The following GRM8 variants were observed in gnomAD, a reference collection of about 807,000 sequenced individuals.
GRM8 encodes glutamate metabotropic receptor 8.
GRM8 carries 47 observed loss-of-function variants against 87.2 expected under a neutral mutation model. The ratio of observed to expected loss-of-function variants is 0.54; its 90% CI spans 0.43 to 0.69. GRM8 has a LOEUF of 0.69. Ranked by LOEUF, GRM8 falls within the 30% of genes least tolerant of loss-of-function variation. The probability of loss-of-function intolerance (pLI) is 0.00; values close to 1 mark genes in which losing one functional copy is unlikely to be tolerated. For missense variants in GRM8, 1,019 were observed against 1,139.2 expected (o/e 0.89, Z 1.52); for synonymous variants, 396 against 404.5 (o/e 0.98, Z 0.25).
chr7:127,107,983 G>C (rs943253182), intron 2 of GRM8, among the ~76,000 whole-genome samples: 2 of 152,306 alleles, frequency 1.3e-5, no homozygotes, highest in South Asian at 4.1e-4. Context: ...TGCATTGGCC[G>C]TAACAGAGAG....
intron 2 of GRM8, among the ~76,000 whole-genome samples, chr7:127,163,256 C>T (rs1793230672): frequency 6.6e-6 from 1 of 152,168 alleles, no homozygotes; most frequent in African/African-American, 2.4e-5. Context: ...GCCATAACAG[C>T]CTGCCCTTCT....
At chr7:126,726,908 T>A (rs1450232535) in intron 7 of GRM8, among the ~76,000 whole-genome samples, 1 of 152,072 alleles carries the variant, frequency 6.6e-6, no homozygotes. Context: ...AATGTGTTAT[T>A]ATTTATAAAA....
intron 3 of GRM8, among the ~76,000 whole-genome samples, chr7:127,014,042 T>A (rs561496546): frequency 6.6e-6 from 1 of 152,180 alleles, no homozygotes; most frequent in East Asian, 1.9e-4. Context: ...ACAGCAGAAA[T>A]GTAAAGGATC....
At chr7:126,475,426 G>T (rs919903007) in intron 9 of GRM8, among the ~76,000 whole-genome samples, 6 of 151,978 alleles carry the variant, frequency 3.9e-5, no homozygotes, top group Non-Finnish European at 7.4e-5. Context: ...GAAGATCTGT[G>T]TACTGACAAC....
At chr7:126,816,757 T>C (rs1793823226) in intron 6 of GRM8, among the ~76,000 whole-genome samples, 1 of 151,648 alleles carries the variant, frequency 6.6e-6, no homozygotes, top group Non-Finnish European at 1.5e-5. Flanking sequence ...TGTGTGTGTG[T>C]GTGTGTGTGT....
chr7:126,514,191 T>C (rs1480597833), intron 9 of GRM8, among the ~76,000 whole-genome samples: 1 of 152,130 alleles, frequency 6.6e-6, no homozygotes, highest in African/African-American at 2.4e-5. Flanking sequence ...ATGCTGGAGT[T>C]GTGGTCCATC....
At position 126,751,657 on chromosome 7, in the gene GRM8, A is replaced by T. The variant is rs151197921; in HGVS notation, c.1357+18208T>A. On this transcript the variant is annotated intron_variant, in intron 7 of 10. Transcript: ENST00000339582. ...GCAAAGGAAGGCACCATTGCACTTTATTACTAGCTATGACTTTGGCCTGAA... is the reference window on the plus strand; with the variant it reads ...GCAAAGGAAGGCACCATTGCACTTTTTTACTAGCTATGACTTTGGCCTGAA... Among the ~76,000 whole-genome samples, 456 of 152,306 alleles carry T rather than the reference A, an allele frequency of 3.0e-3. 5 individuals are homozygous for T. Among genetic ancestry groups the T allele is most frequent in the African/African-American group, 0.01 (432 of 41,586 alleles).
intron 7 of GRM8, among the ~76,000 whole-genome samples, chr7:126,649,921 T>G (rs1411606410): frequency 6.6e-6 from 1 of 152,182 alleles, no homozygotes; most frequent in Non-Finnish European, 1.5e-5. Flanking sequence ...CGGATTGTAT[T>G]TGGAGCCTTT....
intron 6 of GRM8, among the ~76,000 whole-genome samples, chr7:126,779,813 A>C (rs1819873177): frequency 1.3e-5 from 2 of 152,186 alleles, no homozygotes; most frequent in African/African-American, 4.8e-5. Context: ...TAGCAAGCCC[A>C]GATTAAGTCC....
intron 8 of GRM8, among the ~76,000 whole-genome samples, chr7:126,606,949 T>C (rs977999720): frequency 1.3e-5 from 2 of 152,252 alleles, no homozygotes; most frequent in Non-Finnish European, 2.9e-5. Context: ...TGTTGTATGT[T>C]AGTGTATATA....
intron 7 of GRM8, among the ~76,000 whole-genome samples, chr7:126,689,588 G>C (rs2151364114): frequency 6.6e-6 from 1 of 152,210 alleles, no homozygotes; most frequent in Middle Eastern, 3.4e-3. Flanking sequence ...GTGTATGTGT[G>C]TCAGGGGTGA....
rs750317027 is a variant in GRM8 at position 127,128,013 on chromosome 7, C to T, written c.511-21301G>A. Among the ~76,000 whole-genome samples the T allele has an allele frequency of 3.5e-4, 53 of 152,086 alleles. 1 individual carries two copies. Among genetic ancestry groups the T allele is most frequent in the Non-Finnish European group, 7.2e-4 (49 of 67,970 alleles). On this transcript the variant is annotated intron_variant, in intron 2 of 10. Coordinates refer to ENST00000339582, the MANE Select transcript of GRM8 (RefSeq NM_000845.3). ...CTCCACTGGCACCTTTAGGCCTATG[C>T]CCCATTAGCTCTTACTCACATCTCT...
At chr7:126,620,696 G>GTGTTT (rs1399900713) in intron 7 of GRM8, among the ~76,000 whole-genome samples, 2 of 63,038 alleles carry the variant, frequency 3.2e-5, no homozygotes, top group African/African-American at 5.6e-5. Flanking sequence ...CTAAACTGTT[G>GTGTTT]CATGAGATGA....
rs1585082037 is a variant in GRM8, at chr7:126,569,719, T to C, written c.1495-35832A>G. 5.3e-5 allele frequency among the ~76,000 whole-genome samples: 8 copies of C among 152,290 alleles called. No homozygotes were observed. The South Asian group carries it at 1.7e-3, about 32-fold the overall frequency. On this transcript the variant is annotated intron_variant, in intron 8 of 10. Transcript: ENST00000339582. ...CTTTTCCCACATCCTGCCAGCAATATAAATTATCCAAAAATGCAGTCTCAT... is the reference window on the plus strand; with the variant it reads ...CTTTTCCCACATCCTGCCAGCAATACAAATTATCCAAAAATGCAGTCTCAT...
intron 7 of GRM8, among the ~76,000 whole-genome samples, chr7:126,666,063 T>C (rs1805734100): frequency 6.6e-6 from 1 of 152,146 alleles, no homozygotes; most frequent in Admixed American, 6.5e-5. Context: ...ATAGATCAAA[T>C]ATGGATTTTA....
At chr7:126,891,635 C>A (rs1188145523) in intron 6 of GRM8, among the ~76,000 whole-genome samples, 1 of 151,972 alleles carries the variant, frequency 6.6e-6, no homozygotes. Flanking sequence ...TACTGATAAT[C>A]TCTTTTTCTT....
chr7:127,181,861 T>C (rs1252492215), intron 2 of GRM8, among the ~76,000 whole-genome samples: 1 of 152,126 alleles, frequency 6.6e-6, no homozygotes, highest in African/African-American at 2.4e-5. Context: ...GATTAAGGAC[T>C]GAAACCTAAA....
chr7:127,041,317 G>T (rs1021093527), intron 3 of GRM8, among the ~76,000 whole-genome samples: 2 of 152,164 alleles, frequency 1.3e-5, no homozygotes, highest in African/African-American at 4.8e-5. Flanking sequence ...TACAATGCCG[G>T]TGCAGGGTAA....
chr7:126,959,435 G>T (rs1199526484), intron 3 of GRM8, among the ~76,000 whole-genome samples: 1 of 152,156 alleles, frequency 6.6e-6, no homozygotes, highest in Non-Finnish European at 1.5e-5. Context: ...GACTATTTTT[G>T]ATTGCTTATT....
Sources: allele counts gnomAD v4.1 joint callset (sites outside exome capture counted in the v4.1 genomes callset), GRCh38; gene constraint gnomAD v4.1.1; transcripts MANE v1.5; gene names NCBI Gene and HGNC (gene_info 2026-07-23, HGNC 2026-07-21).